Variants in ZNF382 observed in about 807,000 individuals in gnomAD.
ZNF382 encodes KRAB/zinc finger suppressor protein 1.
ZNF382 carries 20 observed loss-of-function variants against 38.8 expected under a neutral mutation model. The observed-to-expected ratio is 0.51, with a 90% CI of 0.36 to 0.75. The LOEUF is 0.75. Ranked by LOEUF, ZNF382 falls within the 30% of genes least tolerant of loss-of-function variation. ZNF382 has a pLI of 0.00. For missense variants in ZNF382, 546 were observed against 654.1 expected (o/e 0.83, Z 1.80); for synonymous variants, 202 against 223.1 (o/e 0.91, Z 0.84).
In ZNF382 at chr19:36,626,898, G is replaced by A. The variant is rs200497123; in HGVS notation, c.1001G>A (p.Arg334His). Residue 334 changes from arginine (R) to histidine (H), a missense_variant, in exon 5 of 5, where the codon CGT becomes CAT. Arg to His is a conservative substitution (Grantham distance 29, BLOSUM62 0). Transcript: ENST00000292928. ...YVCNQCGKAF[R>H]QKTALTLHEK... Reference sequence around the variant, plus strand: ...TGCAATCAATGTGGAAAGGCCTTCCGTCAGAAGACAGCCCTCACCCTTCAT... The same window carrying A: ...TGCAATCAATGTGGAAAGGCCTTCCATCAGAAGACAGCCCTCACCCTTCAT... The A allele has an allele frequency of 1.9e-6, 3 of 1,614,106 alleles. No individual in the cohort carries two copies. The highest frequency in any genetic ancestry group is 1.6e-4 in the Middle Eastern group (1 of 6,062).
intron 4 of ZNF382, among the ~76,000 whole-genome samples, chr19:36,616,380 G>A (rs1287809249): frequency 1.3e-5 from 2 of 152,112 alleles, no homozygotes; most frequent in African/African-American, 4.8e-5. Flanking sequence ...TAACTAAAAT[G>A]TTTAAATAAT....
intron 4 of ZNF382, among the ~76,000 whole-genome samples, chr19:36,621,972 C>T (rs552882055): frequency 6.6e-6 from 1 of 151,610 alleles, no homozygotes; most frequent in Non-Finnish European, 1.5e-5. Context: ...GCCTTTACTT[C>T]TGATAGCAGC....
intron 4 of ZNF382, among the ~76,000 whole-genome samples, chr19:36,611,934 T>G (rs1045008970): frequency 2.0e-5 from 3 of 152,204 alleles, no homozygotes; most frequent in Non-Finnish European, 4.4e-5. Context: ...TCACTCCCCA[T>G]GTAAATCTTT....
rs1259244801 is a variant in ZNF382, at chr19:36,609,884, C to G, written c.-13-18C>G. 1 of 1,568,886 alleles carries G rather than the reference C, an allele frequency of 6.4e-7. No individual in the cohort carries two copies. The highest frequency in any genetic ancestry group is 8.6e-7 in the Non-Finnish European group (1 of 1,159,636). The stretch of plus-strand genomic sequence containing the variant: ...AGGTCTCCAATATCTAGTTCTCACA[C>G]ATTTCCGATCACTTCAGGATGAACT... On this transcript the variant is annotated intron_variant, in intron 2 of 4. Coordinates refer to ENST00000292928, the MANE Select transcript of ZNF382 (RefSeq NM_032825.5).
intron 4 of ZNF382, among the ~76,000 whole-genome samples, chr19:36,623,987 G>T (rs528912833): frequency 1.6e-4 from 24 of 152,026 alleles, no homozygotes; most frequent in Admixed American, 1.5e-3. Context: ...TTCTCATGAG[G>T]CTGAGGCAGG....
chr19:36,605,600 T>C (rs2037013111), intron 1 of ZNF382: 1 of 152,236 alleles, frequency 6.6e-6, no homozygotes, highest in Non-Finnish European at 1.5e-5. Context: ...AGGGGGATTT[T>C]GCCCGTTCTG....
Position 36,629,915 on chromosome 19 carries a change from A to C in ZNF382, c.*2365A>C, listed in dbSNP as rs1027814078. The C allele has an allele frequency of 6.6e-6, 1 of 152,166 alleles. No homozygotes were observed. Among genetic ancestry groups the C allele is most frequent in the Non-Finnish European group, 1.5e-5 (1 of 68,054 alleles). The allele number at this position is 152,166 out of a possible 1,614,324, so 9.4% of individuals were successfully genotyped here. On this transcript the variant is annotated 3_prime_UTR_variant, in exon 5 of 5. Transcript: ENST00000292928. ...ACTCCAGCCTGGGTAACAGAGCGAG[A>C]CCCTGTCTCATAAATAAATAAATAC... is the stretch of plus-strand genomic sequence containing the variant.
At position 36,630,772 on chromosome 19, in the gene ZNF382, G is replaced by T. The variant is rs545531400; in HGVS notation, c.*3222G>T. The T allele has an allele frequency of 1.3e-5, 2 of 152,244 alleles. No homozygotes were observed. Among genetic ancestry groups the T allele is most frequent in the African/African-American group, 4.8e-5 (2 of 41,548 alleles). 9.4% of individuals were successfully genotyped at this position (152,244 alleles called of 1,614,324 possible). ...TTGAAGATTTCTTTTGAAGAAATCA[G>T]AAATTTTCTTTGCATTTTTTTTATT... On this transcript the variant is annotated 3_prime_UTR_variant, in exon 5 of 5. Coordinates refer to ENST00000292928, the MANE Select transcript of ZNF382 (RefSeq NM_032825.5).
rs1023088570 is a variant in ZNF382 at position 36,631,498 on chromosome 19, C to T, written c.*3948C>T. 1 of 151,970 alleles carries T rather than the reference C, an allele frequency of 6.6e-6. No individual in the cohort carries two copies. The highest frequency in any genetic ancestry group is 2.4e-5 in the African/African-American group (1 of 41,314). 9.4% of individuals were successfully genotyped at this position (151,970 alleles called of 1,614,324 possible). A position where few individuals can be genotyped will look rare whatever the true frequency, so the allele number is the denominator to read the frequency against. ...CGCCTCCTGGGTTCAAGTGATTCTC[C>T]TGCCTCAGCCTCATGAGTAGCTGGG... is the stretch of plus-strand genomic sequence containing the variant. On this transcript the variant is annotated 3_prime_UTR_variant, in exon 5 of 5. Coordinates refer to ENST00000292928, the MANE Select transcript of ZNF382 (RefSeq NM_032825.5).
chr19:36,627,061 C>T lies in ZNF382; in HGVS notation c.1164C>T (p.Ala388=). Residue 388 remains alanine, a synonymous_variant, in exon 5 of 5, where the codon GCC becomes GCT. Coordinates refer to ENST00000292928, the MANE Select transcript of ZNF382 (RefSeq NM_032825.5). ...ATGAATGTCCTCAGTGTGGAAGTGC[C>T]TTTAGGAAGAAGTCATACCTCATTG... ...KAYECPQCGS[A]FRKKSYLIDH... is the part of the protein sequence containing the mutation. 6.2e-7 allele frequency: 1 copy of T among 1,613,766 alleles called. No homozygotes were observed. Among genetic ancestry groups the T allele is most frequent in the Non-Finnish European group, 8.5e-7 (1 of 1,179,960 alleles).
At chr19:36,614,568 T>C (rs2037105732) in intron 4 of ZNF382, among the ~76,000 whole-genome samples, 1 of 152,212 alleles carries the variant, frequency 6.6e-6, no homozygotes, top group African/African-American at 2.4e-5. Context: ...ATTTTTGGTA[T>C]AGAAATCTTA....
intron 1 of ZNF382, among the ~76,000 whole-genome samples, 158 bp from the exon 2 acceptor site, chr19:36,607,394 G>C (rs545546672): frequency 2.4e-4 from 36 of 152,138 alleles, no homozygotes; most frequent in Non-Finnish European, 3.1e-4. Context: ...TGATTTGTCT[G>C]TTTTCCCACT....
intron 4 of ZNF382, among the ~76,000 whole-genome samples, chr19:36,612,051 T>C (rs1171228087): frequency 6.6e-6 from 1 of 152,192 alleles, no homozygotes; most frequent in East Asian, 1.9e-4. Context: ...TGTAAAGTTC[T>C]TTGAATTCTG....
intron 4 of ZNF382, among the ~76,000 whole-genome samples, chr19:36,614,925 CT>C (rs1568628688): frequency 2.5e-3 from 151 of 60,274 alleles, no homozygotes; most frequent in Middle Eastern, 0.014. Context: ...TTCCCTTTCC[CT>C]TTCCCTTTCC....
chr19:36,610,172 A>G (rs2145313470), intron 3 of ZNF382, 119 bp downstream of exon 3: 5 of 1,300,864 alleles, frequency 3.8e-6, no homozygotes, highest in South Asian at 2.6e-5. Context: ...AAAATATTAT[A>G]TTGCCAGGCA....
chr19:36,618,982 C>T (rs191050853), intron 4 of ZNF382, among the ~76,000 whole-genome samples: 45 of 152,150 alleles, frequency 3.0e-4, no homozygotes, highest in Admixed American at 2.2e-3. Context: ...AGGTAGATCG[C>T]GCCACTGCAC....
intron 2 of ZNF382, 42 bp from the exon 3 acceptor site, chr19:36,609,860 G>C (rs2037063056): frequency 6.5e-7 from 1 of 1,534,558 alleles, no homozygotes; most frequent in Non-Finnish European, 8.8e-7. Flanking sequence ...GTCAGTACTA[G>C]GTCTCCAATA....
chr19:36,627,648 C>A lies in ZNF382; in HGVS notation c.*98C>A. ...ATATCCAACAGTTTAAGGTACTATA[C>A]CACATGGTAACCTACTGTTTGCCAG... On this transcript the variant is annotated 3_prime_UTR_variant, in exon 5 of 5. Coordinates refer to ENST00000292928, the MANE Select transcript of ZNF382 (RefSeq NM_032825.5). The A allele has an allele frequency of 1.3e-6, 1 of 793,506 alleles. No individual in the cohort carries two copies. Among genetic ancestry groups the A allele is most frequent in the Non-Finnish European group, 2.0e-6 (1 of 500,238 alleles). The allele number at this position is 793,506 out of a possible 1,614,324, so 49.2% of individuals were successfully genotyped here. A position where few individuals can be genotyped will look rare whatever the true frequency, so the allele number is the denominator to read the frequency against.
chr19:36,626,065 T>C, intron 4 of ZNF382, 65 bp from the exon 5 acceptor site: 2 of 1,199,626 alleles, frequency 1.7e-6, no homozygotes, highest in South Asian at 4.5e-5. Flanking sequence ...ATAGTTTGTC[T>C]GTATGTATAC....
Sources: allele counts gnomAD v4.1 joint callset (sites outside exome capture counted in the v4.1 genomes callset), GRCh38; gene constraint gnomAD v4.1.1; transcripts MANE v1.5; gene names NCBI Gene and HGNC (gene_info 2026-07-23, HGNC 2026-07-21).